PTPRT: variants seen among roughly 807,000 people sequenced by gnomAD.
PTPRT encodes receptor-type tyrosine-protein phosphatase T.
A neutral mutation model predicts 176.8 loss-of-function variants in PTPRT; 56 were observed. The observed-to-expected ratio is 0.32, with a 90% CI of 0.26 to 0.40. The LOEUF is 0.40. Ranked by LOEUF, PTPRT falls within the 10% of genes least tolerant of loss-of-function variation. PTPRT has a pLI of 1.00. For synonymous variants in PTPRT, 783 were observed against 739.0 expected, an observed-to-expected ratio of 1.06 and a Z score of -0.96; for missense variants, 1,540 against 1,908.2, an observed-to-expected ratio of 0.81 and a Z score of 3.60.
rs150393984 is a variant in PTPRT at position 42,898,813 on chromosome 20, A to T, written c.89-12881T>A. ...GACCAAGGAGAAAGTGCGATGAAAG[A>T]AGGAGGCCCTCTGTTGGGTCAGCGC... On this transcript the variant is annotated intron_variant, in intron 1 of 30. Coordinates refer to ENST00000373187, the MANE Select transcript of PTPRT (RefSeq NM_007050.6). Among the ~76,000 whole-genome samples, 588 of 152,144 alleles carry T rather than the reference A, an allele frequency of 3.9e-3. 5 individuals are homozygous for T. The highest frequency in any genetic ancestry group is 0.013 in the African/African-American group (559 of 41,526).
intron 12 of PTPRT, among the ~76,000 whole-genome samples, chr20:42,289,338 G>C (rs2057282162): frequency 6.6e-6 from 1 of 151,772 alleles, no homozygotes; most frequent in Admixed American, 6.6e-5. Context: ...ACTATCAACA[G>C]AGTAAACCTA....
chr20:42,330,496 A>T (rs796655093), intron 11 of PTPRT, among the ~76,000 whole-genome samples: 1 of 151,560 alleles, frequency 6.6e-6, no homozygotes, highest in African/African-American at 2.4e-5. Flanking sequence ...AATAAATAAA[A>T]AATAATTAAA....
intron 9 of PTPRT, among the ~76,000 whole-genome samples, chr20:42,411,892 C>T (rs963735941): frequency 6.6e-6 from 1 of 151,834 alleles, no homozygotes; most frequent in Admixed American, 6.6e-5. Context: ...TTTTAGGAAG[C>T]AGTGCTTAAA....
At chr20:42,808,233 T>G (rs2077642093) in intron 2 of PTPRT, among the ~76,000 whole-genome samples, 2 of 152,200 alleles carry the variant, frequency 1.3e-5, no homozygotes, top group Non-Finnish European at 2.9e-5. Context: ...TAGCTGCTAG[T>G]CCAGGGGGCA....
intron 10 of PTPRT, among the ~76,000 whole-genome samples, chr20:42,351,175 A>G (rs1289295644): frequency 6.6e-6 from 1 of 151,246 alleles, no homozygotes; most frequent in Non-Finnish European, 1.5e-5. Flanking sequence ...GAATGCGACT[A>G]TATCTATTCC....
At chr20:42,837,387 A>G (rs181972119) in intron 2 of PTPRT, among the ~76,000 whole-genome samples, 155 of 152,256 alleles carry the variant, frequency 1.0e-3, no homozygotes, top group African/African-American at 3.5e-3. Context: ...CCCTCAGCAC[A>G]CTTACCAGGC....
chr20:42,404,385 C>T (rs1472678266), intron 9 of PTPRT, among the ~76,000 whole-genome samples: 1 of 152,162 alleles, frequency 6.6e-6, no homozygotes, highest in African/African-American at 2.4e-5. Context: ...CTCACCTCCA[C>T]ACACCCTCCA....
At chr20:42,244,214 T>C (rs2056408455) in intron 14 of PTPRT, among the ~76,000 whole-genome samples, 1 of 152,152 alleles carries the variant, frequency 6.6e-6, no homozygotes, top group Non-Finnish European at 1.5e-5. Flanking sequence ...TTGGGGCCAG[T>C]TTTTCTGATT....
chr20:42,107,428 G>A (rs1356745810), intron 23 of PTPRT, among the ~76,000 whole-genome samples: 1 of 152,228 alleles, frequency 6.6e-6, no homozygotes, highest in African/African-American at 2.4e-5. Context: ...AAGCAAGAGT[G>A]TCATGAAACT....
At chr20:42,618,281 T>A (rs1252490934) in intron 7 of PTPRT, among the ~76,000 whole-genome samples, 1 of 131,628 alleles carries the variant, frequency 7.6e-6, no homozygotes, top group Non-Finnish European at 1.6e-5. Flanking sequence ...TGAGTTCTAG[T>A]TTGATTGCAC....
chr20:42,808,429 G>A (rs2077645448), intron 2 of PTPRT, among the ~76,000 whole-genome samples: 2 of 152,072 alleles, frequency 1.3e-5, no homozygotes, highest in Admixed American at 1.3e-4. Flanking sequence ...ATCATTTCAG[G>A]CAGAGGGAAC....
intron 11 of PTPRT, among the ~76,000 whole-genome samples, chr20:42,339,712 T>C (rs565422614): frequency 2.0e-5 from 3 of 152,334 alleles, no homozygotes; most frequent in Non-Finnish European, 4.4e-5. Context: ...GGCAGGACTC[T>C]GCAGGCTTAT....
intron 16 of PTPRT, among the ~76,000 whole-genome samples, chr20:42,174,898 G>A (rs1990225885): frequency 6.6e-6 from 1 of 152,154 alleles, no homozygotes; most frequent in Non-Finnish European, 1.5e-5. Flanking sequence ...ATCAAGCACT[G>A]ATTTATAATT....
At chr20:42,825,621 T>C (rs1183009067) in intron 2 of PTPRT, among the ~76,000 whole-genome samples, 2 of 152,268 alleles carry the variant, frequency 1.3e-5, no homozygotes, top group East Asian at 3.9e-4. Context: ...AACTTTCAAT[T>C]AAACATCACA....
intron 1 of PTPRT, among the ~76,000 whole-genome samples, chr20:42,947,981 T>C (rs922793992): frequency 6.6e-6 from 1 of 151,964 alleles, no homozygotes; most frequent in African/African-American, 2.4e-5. Context: ...AATACATGCA[T>C]TTGTTGAATG....
At chr20:43,127,785 G>C (rs1375250855) in intron 1 of PTPRT, among the ~76,000 whole-genome samples, 1 of 152,184 alleles carries the variant, frequency 6.6e-6, no homozygotes, top group Non-Finnish European at 1.5e-5. Flanking sequence ...AGAAAAGTAG[G>C]AGGGTATAGT....
intron 7 of PTPRT, among the ~76,000 whole-genome samples, chr20:42,639,152 G>A (rs1389630550): frequency 6.6e-6 from 1 of 152,122 alleles, no homozygotes; most frequent in Non-Finnish European, 1.5e-5. Flanking sequence ...CTTCTACAAG[G>A]AGCCTATTTT....
chr20:42,088,854 C>T (rs556881304), intron 27 of PTPRT, among the ~76,000 whole-genome samples: 1 of 152,204 alleles, frequency 6.6e-6, no homozygotes, highest in Non-Finnish European at 1.5e-5. Flanking sequence ...TAAATAAACC[C>T]TTACCACAGT....
At chr20:42,107,999 G>A (rs562909917) in intron 23 of PTPRT, among the ~76,000 whole-genome samples, 5 of 152,194 alleles carry the variant, frequency 3.3e-5, no homozygotes, top group African/African-American at 4.8e-5. Flanking sequence ...ATCCAGATGC[G>A]GGGACTCAAG....
Sources: allele counts gnomAD v4.1 joint callset (sites outside exome capture counted in the v4.1 genomes callset), GRCh38; gene constraint gnomAD v4.1.1; transcripts MANE v1.5; gene names NCBI Gene and HGNC (gene_info 2026-07-23, HGNC 2026-07-21).